LUZP2: variants seen among roughly 807,000 people sequenced by gnomAD.
LUZP2 encodes the protein leucine zipper protein 2.
A neutral mutation model predicts 51.6 loss-of-function variants in LUZP2; 52 were observed. The observed-to-expected ratio is 1.01, with a 90% CI of 0.81 to 1.27. The LOEUF (loss-of-function observed/expected upper bound fraction) is 1.27, where lower values mean the gene tolerates loss of function less well. Among genes scored for constraint, LUZP2 ranks in the 50% most tolerant of loss-of-function variants. The pLI, the probability that LUZP2 is intolerant of heterozygous loss-of-function variation, is 0.00. For missense variants in LUZP2, 436 were observed against 395.4 expected (o/e 1.10, Z -0.87); for synonymous variants, 154 against 137.3 (o/e 1.12, Z -0.85).
chr11:24,749,185 G>A (rs569656141), intron 4 of LUZP2, among the ~76,000 whole-genome samples: 4 of 152,282 alleles, frequency 2.6e-5, no homozygotes, highest in Non-Finnish European at 4.4e-5. Context: ...AAAGGGAATC[G>A]GACCTGGGCT....
chr11:24,855,853 C>T (rs1851550720), intron 5 of LUZP2, among the ~76,000 whole-genome samples: 1 of 152,128 alleles, frequency 6.6e-6, no homozygotes, highest in Non-Finnish European at 1.5e-5. Flanking sequence ...AGAGCATACA[C>T]AGCAGAAAGG....
chr11:25,030,274 T>C (rs1001472904), intron 9 of LUZP2, among the ~76,000 whole-genome samples: 1 of 152,198 alleles, frequency 6.6e-6, no homozygotes, highest in African/African-American at 2.4e-5. Context: ...CTGGTAGTTG[T>C]AGTTCAATTA....
chr11:24,896,219 C>T (rs777843604), intron 5 of LUZP2, among the ~76,000 whole-genome samples: 5 of 152,234 alleles, frequency 3.3e-5, no homozygotes, highest in African/African-American at 7.2e-5. Context: ...CGCCACTGCA[C>T]TGTGGGGGCC....
At chr11:25,033,889 A>G (rs1857774697) in intron 9 of LUZP2, among the ~76,000 whole-genome samples, 1 of 152,144 alleles carries the variant, frequency 6.6e-6, no homozygotes. Flanking sequence ...CAATGAACAT[A>G]GGAGTACCTG....
chr11:24,982,049 A>T (rs547585390), intron 8 of LUZP2, among the ~76,000 whole-genome samples: 1 of 152,104 alleles, frequency 6.6e-6, no homozygotes, highest in East Asian at 1.9e-4. Flanking sequence ...GCGAATCAAA[A>T]TCACAATGAG....
intron 5 of LUZP2, among the ~76,000 whole-genome samples, chr11:24,799,659 A>G (rs1423581049): frequency 6.6e-6 from 1 of 152,038 alleles, no homozygotes; most frequent in East Asian, 1.9e-4. Context: ...TCTGCTAAAC[A>G]CCAACTTCAT....
chr11:25,041,750 G>T (rs752083871), intron 9 of LUZP2, among the ~76,000 whole-genome samples: 1 of 152,046 alleles, frequency 6.6e-6, no homozygotes, highest in Non-Finnish European at 1.5e-5. Context: ...ATTCTTCAGC[G>T]CAGGGGTCCC....
chr11:24,917,183 TG>T (rs1853816212), intron 7 of LUZP2, among the ~76,000 whole-genome samples: 2 of 152,218 alleles, frequency 1.3e-5, no homozygotes, highest in African/African-American at 4.8e-5. Context: ...TGGGGTTGTT[TG>T]TTTTTTTCTT....
chr11:24,861,554 C>T (rs747376935), intron 5 of LUZP2, among the ~76,000 whole-genome samples: 1 of 150,534 alleles, frequency 6.6e-6, no homozygotes, highest in African/African-American at 2.4e-5. Flanking sequence ...CACATAATTG[C>T]CGGGTCCGTC....
intron 5 of LUZP2, among the ~76,000 whole-genome samples, chr11:24,794,237 T>C (rs1364462050): frequency 6.6e-6 from 1 of 152,176 alleles, no homozygotes; most frequent in Admixed American, 6.6e-5. Context: ...CAAGGGTTCA[T>C]TGCACAATGT....
chr11:24,501,189 A>G (rs188846776), intron 1 of LUZP2, among the ~76,000 whole-genome samples: 1 of 152,324 alleles, frequency 6.6e-6, no homozygotes, highest in East Asian at 1.9e-4. Context: ...AGATAGAGGT[A>G]TGGCTTTCTT....
intron 1 of LUZP2, among the ~76,000 whole-genome samples, chr11:24,638,673 A>G (rs1030637155): frequency 6.6e-6 from 1 of 150,564 alleles, no homozygotes; most frequent in African/African-American, 2.4e-5. Context: ...AGAAACAAAT[A>G]ATTTATGATA....
chr11:24,651,596 G>A (rs374929331), intron 1 of LUZP2, among the ~76,000 whole-genome samples: 38 of 152,096 alleles, frequency 2.5e-4, no homozygotes, highest in African/African-American at 8.7e-4. Context: ...ATTTTAATTA[G>A]CTGGTAACCA....
chr11:24,886,002 G>A (rs1445974586), intron 5 of LUZP2, among the ~76,000 whole-genome samples: 2 of 152,134 alleles, frequency 1.3e-5, no homozygotes, highest in East Asian at 3.9e-4. Context: ...ACTCAACTGG[G>A]ACATCTGCCA....
At position 24,923,653 on chromosome 11, in the gene LUZP2, C is replaced by T. The variant is rs142746544; in HGVS notation, c.522+9115C>T. Among the ~76,000 whole-genome samples, 219 of 152,056 alleles carry T rather than the reference C, an allele frequency of 1.4e-3. 1 individual carries two copies. Among genetic ancestry groups the T allele is most frequent in the African/African-American group, 5.1e-3 (211 of 41,514 alleles). ...CAGAGGTTGCAGTGAGCCAAGATCG[C>T]GCCACTGCACTCCAGCCTGGCACAG... On this transcript the variant is annotated intron_variant, in intron 7 of 11. Transcript: ENST00000336930.
At chr11:24,731,552 A>G (rs1858713718) in intron 2 of LUZP2, among the ~76,000 whole-genome samples, 1 of 151,788 alleles carries the variant, frequency 6.6e-6, no homozygotes, top group South Asian at 2.1e-4. Context: ...TAAGGACTGA[A>G]GTAGTATACA....
chr11:24,825,340 A>G (rs1041089135), intron 5 of LUZP2, among the ~76,000 whole-genome samples: 1 of 152,184 alleles, frequency 6.6e-6, no homozygotes, highest in Non-Finnish European at 1.5e-5. Flanking sequence ...CAATATTGGT[A>G]TCAACTCTCT....
rs1554989374 is a variant in LUZP2, at chr11:24,774,362, CTATA to C, written c.396+11071_396+11074del. Among the ~76,000 whole-genome samples the C allele has an allele frequency of 8.8e-4, 67 of 76,340 alleles. 1 individual carries two copies. The highest frequency in any genetic ancestry group is 1.6e-3 in the Admixed American group (11 of 6,800). 50.1% of individuals were successfully genotyped at this position (76,340 alleles called of 152,430 possible). On this transcript the variant is annotated intron_variant, in intron 5 of 11. Transcript: ENST00000336930. Reference sequence around the variant, plus strand: ...TCTCTCTCTCTCTCTCTCTCTCTCTCTATATATATATATATATATACATACACAC... The same window carrying C: ...TCTCTCTCTCTCTCTCTCTCTCTCTCTATATATATATATATACATACACAC...
At chr11:24,780,270 T>C (rs536241733) in intron 5 of LUZP2, among the ~76,000 whole-genome samples, 1 of 152,198 alleles carries the variant, frequency 6.6e-6, no homozygotes, top group African/African-American at 2.4e-5. Flanking sequence ...CCTTTGACCA[T>C]TGGATAGAAT....
Sources: gnomAD v4.1 joint callset for allele counts (sites outside exome capture counted in the v4.1 genomes callset) on GRCh38, gnomAD v4.1.1 for gene constraint, MANE v1.5 for transcripts, NCBI Gene and HGNC (gene_info 2026-07-23, HGNC 2026-07-21) for gene names.